Variants in AGTPBP1 observed in about 807,000 individuals in gnomAD.
The protein encoded by AGTPBP1 is ATP/GTP binding carboxypeptidase 1, also known as cytosolic carboxypeptidase 1.
A neutral mutation model predicts 143.9 loss-of-function variants in AGTPBP1; 70 were observed. The observed-to-expected ratio is 0.49, with a 90% CI of 0.40 to 0.59. AGTPBP1 has a LOEUF of 0.59. Among genes scored for constraint, AGTPBP1 ranks in the 20% least tolerant of loss-of-function variants. The pLI is 0.00. For synonymous variants in AGTPBP1, 463 were observed against 500.2 expected (o/e 0.93, Z 0.99); for missense variants, 1,229 against 1,464.5 (o/e 0.84, Z 2.62).
At chr9:85,609,896 T>C (rs964137489) in intron 17 of AGTPBP1, among the ~76,000 whole-genome samples, 1 of 152,188 alleles carries the variant, frequency 6.6e-6, no homozygotes, top group Non-Finnish European at 1.5e-5. Context: ...GATATTTAGA[T>C]AGTCTCAAAG....
rs532240899 is a variant in AGTPBP1 at position 85,546,741 on chromosome 9, G to A, written c.*368C>T. The A allele has an allele frequency of 6.4e-6, 1 of 157,288 alleles. No homozygotes were observed. The highest frequency in any genetic ancestry group is 2.4e-5 in the African/African-American group (1 of 41,640). 9.7% of individuals were successfully genotyped at this position (157,288 alleles called of 1,614,324 possible). A position where few individuals can be genotyped will look rare whatever the true frequency, so the allele number is the denominator to read the frequency against. ...ATATATATTAGTTTTCAACAAGTCA[G>A]GATTTTCAACAACTCTAAAATTTCA... On this transcript the variant is annotated 3_prime_UTR_variant, in exon 26 of 26. Transcript: ENST00000357081.
intron 17 of AGTPBP1, 39 bp downstream of exon 17, chr9:85,618,943 GC>G: frequency 6.4e-7 from 1 of 1,559,892 alleles, no homozygotes; most frequent in Non-Finnish European, 8.6e-7. Flanking sequence ...CAGTTAAGAT[GC>G]CTGCATGCCA....
the AGTPBP1 span, among the ~76,000 whole-genome samples, chr9:85,803,761 T>C: frequency 1.1e-4 from 17 of 152,248 alleles, no homozygotes; most frequent in African/African-American, 3.4e-4. Flanking sequence ...TTAGTGTCCA[T>C]GTCCGTCTGG....
At chr9:85,688,096 T>TAAAAAAAAAAAAAAAAAAAAAAAAAAA (rs58523894) in intron 3 of AGTPBP1, among the ~76,000 whole-genome samples, 1 of 34,712 alleles carries the variant, frequency 2.9e-5, no homozygotes, top group Non-Finnish European at 4.7e-5. Context: ...GTCTCAAAAT[T>TAAAAAAAAAAAAAAAAAAAAAAAAAAA]AAAAAAAAAA....
intron 17 of AGTPBP1, among the ~76,000 whole-genome samples, chr9:85,604,860 G>C (rs62566919): frequency 0.017 from 2,519 of 152,184 alleles, 30 homozygotes; most frequent in Middle Eastern, 0.054. Flanking sequence ...GCATTATAGT[G>C]TCTCAGCGGC....
At chr9:85,778,306 A>C in the AGTPBP1 span, among the ~76,000 whole-genome samples, 2 of 152,320 alleles carry the variant, frequency 1.3e-5, no homozygotes, top group Non-Finnish European at 2.9e-5. Flanking sequence ...GTTTCCACCA[A>C]AGCCCAGTAA....
chr9:85,700,715 C>A (rs1035408483), intron 2 of AGTPBP1, among the ~76,000 whole-genome samples: 16 of 152,072 alleles, frequency 1.1e-4, no homozygotes, highest in African/African-American at 3.6e-4. Context: ...ATAGTGAGAA[C>A]AAGAGAAAAT....
At chr9:85,716,720 C>T (rs1837727013) in intron 1 of AGTPBP1, among the ~76,000 whole-genome samples, 1 of 152,174 alleles carries the variant, frequency 6.6e-6, no homozygotes, top group African/African-American at 2.4e-5. Flanking sequence ...CTATTCTCAA[C>T]ACAACATGCT....
chr9:85,701,813 A>T (rs1348155517), intron 2 of AGTPBP1, among the ~76,000 whole-genome samples: 4 of 152,196 alleles, frequency 2.6e-5, no homozygotes, highest in Non-Finnish European at 5.9e-5. Context: ...AAAGGAAAAA[A>T]TGTGAATTCC....
At chr9:85,598,848 T>C (rs1199054627) in intron 17 of AGTPBP1, among the ~76,000 whole-genome samples, 1 of 151,992 alleles carries the variant, frequency 6.6e-6, no homozygotes, top group East Asian at 1.9e-4. Flanking sequence ...GCCTCCCGAG[T>C]AGCTGGGGAC....
intron 25 of AGTPBP1, among the ~76,000 whole-genome samples, chr9:85,553,694 T>A (rs184599609): frequency 6.6e-6 from 1 of 152,204 alleles, no homozygotes; most frequent in East Asian, 1.9e-4. Flanking sequence ...ATAATGAAAG[T>A]GTTAAATGAC....
At chr9:85,615,857 G>A (rs1006612296) in intron 17 of AGTPBP1, among the ~76,000 whole-genome samples, 1 of 151,482 alleles carries the variant, frequency 6.6e-6, no homozygotes, top group East Asian at 1.9e-4. Flanking sequence ...TGTTTATCTC[G>A]GCAATATTTA....
intron 24 of AGTPBP1, among the ~76,000 whole-genome samples, chr9:85,578,453 T>A (rs1395600135): frequency 1.3e-5 from 2 of 152,116 alleles, no homozygotes; most frequent in African/African-American, 2.4e-5. Flanking sequence ...TCTATTTTTA[T>A]TTTTCAAAAT....
At chr9:85,722,498 C>T (rs149517092) in intron 1 of AGTPBP1, among the ~76,000 whole-genome samples, 56 of 152,306 alleles carry the variant, frequency 3.7e-4, no homozygotes, top group Middle Eastern at 3.4e-3. Context: ...ACGAGGTTCT[C>T]GTGCTGTGGT....
chr9:85,630,354 T>C (rs1831576975), intron 14 of AGTPBP1, among the ~76,000 whole-genome samples: 1 of 151,302 alleles, frequency 6.6e-6, no homozygotes, highest in Admixed American at 6.6e-5. Context: ...CCAGGATCAA[T>C]TTACTTACTT....
chr9:85,793,490 T>C, the AGTPBP1 span: 3 of 152,120 alleles, frequency 2.0e-5, no homozygotes, highest in African/African-American at 4.8e-5. Flanking sequence ...TATCTGGCAG[T>C]GTAAGGAATA....
the AGTPBP1 span, among the ~76,000 whole-genome samples, chr9:85,761,587 C>T: frequency 6.6e-6 from 1 of 152,198 alleles, no homozygotes; most frequent in Non-Finnish European, 1.5e-5. Context: ...AAAGCTGAAA[C>T]TGGATCCCTT....
chr9:85,658,740 T>C (rs1451013382), intron 9 of AGTPBP1, among the ~76,000 whole-genome samples: 1 of 152,080 alleles, frequency 6.6e-6, no homozygotes, highest in East Asian at 1.9e-4. Context: ...ATAAACTTAT[T>C]AATTCCCTTT....
rs367682801 is a variant in AGTPBP1, at chr9:85,716,957, C to T, written c.-33-4391G>A. Among the ~76,000 whole-genome samples, 71 of 152,320 alleles carry T rather than the reference C, an allele frequency of 4.7e-4. 2 individuals are homozygous for T. In the South Asian group the frequency reaches 0.012, roughly 27 times the overall value. On this transcript the variant is annotated intron_variant, in intron 1 of 25. Transcript: ENST00000357081. ...GCTGGGCCTCCATGTTTTCCTCCAA[C>T]ATGCCAGGCTCTCACTTTAGTGCCT...
Sources: allele counts gnomAD v4.1 joint callset (sites outside exome capture counted in the v4.1 genomes callset), GRCh38; gene constraint gnomAD v4.1.1; transcripts MANE v1.5; gene names NCBI Gene and HGNC (gene_info 2026-07-23, HGNC 2026-07-21).